Variants in COL6A5 observed in about 807,000 individuals in gnomAD.
COL6A5 encodes the protein collagen alpha-5(VI) chain.
COL6A5 carries 48 observed loss-of-function variants against 65.6 expected under a neutral mutation model. That is an observed-to-expected ratio of 0.73 (90% CI 0.58 to 0.93). The LOEUF (loss-of-function observed/expected upper bound fraction) is 0.93. Among genes scored for constraint, COL6A5 ranks in the 40% least tolerant of loss-of-function variants. The pLI is 0.00. For synonymous variants in COL6A5, 291 were observed against 322.8 expected, an observed-to-expected ratio of 0.90 and a Z score of 1.05; for missense variants, 914 against 928.3, an observed-to-expected ratio of 0.98 and a Z score of 0.20.
At chr3:130,410,372 T>C in intron 19 of COL6A5, 99 bp from the exon 20 acceptor site, 1 of 834,104 alleles carries the variant, frequency 1.2e-6, no homozygotes, top group African/African-American at 1.7e-5. Flanking sequence ...ACATGTTTAT[T>C]CTGCCATTTT....
chr3:130,409,868 C>A, intron 18 of COL6A5, 141 bp from the exon 19 acceptor site: 2 of 573,900 alleles, frequency 3.5e-6, no homozygotes, highest in Non-Finnish European at 6.2e-6. Flanking sequence ...TTTCCAAAAT[C>A]CTGTGAGTTT....
Position 130,392,163 on chromosome 3 carries a change from A to C in COL6A5, c.2992+409A>C, listed in dbSNP as rs529605242. The stretch of plus-strand genomic sequence containing the variant: ...CTCAAACGGAAAGTTTCATGGTTTA[A>C]ATGGATAGACTTTTGCCTTCAAAGA... On this transcript the variant is annotated intron_variant and NMD_transcript_variant, in intron 7 of 41. Transcript: ENST00000312481. Among the ~76,000 whole-genome samples the C allele has an allele frequency of 1.1e-4, 17 of 152,312 alleles. 1 individual carries two copies. The highest frequency in any genetic ancestry group is 4.6e-4 in the Admixed American group (7 of 15,302).
exon 11 of COL6A5, chr3:130,401,130 C>T (rs1227815351): frequency 6.5e-7 from 1 of 1,549,394 alleles, no homozygotes; most frequent in Non-Finnish European, 8.7e-7. Context: ...ACTCATCTGA[C>T]TATTGGAATG....
intron 1 of COL6A5, among the ~76,000 whole-genome samples, chr3:130,371,117 T>C (rs563914299): frequency 6.6e-6 from 1 of 152,226 alleles, no homozygotes; most frequent in Non-Finnish European, 1.5e-5. Context: ...TATCTTTGAA[T>C]TCTTATGATC....
chr3:130,345,798 GCT>G (rs1934441173), exon 1 of COL6A5: 1 of 397,524 alleles, frequency 2.5e-6, no homozygotes, highest in African/African-American at 2.1e-5. Context: ...TCCACCTGCA[GCT>G]GTGCGGCGCG....
chr3:130,455,996 CTT>C (rs879367885), intron 5 of COL6A5, among the ~76,000 whole-genome samples: 1 of 151,712 alleles, frequency 6.6e-6, no homozygotes, highest in Non-Finnish European at 1.5e-5. Context: ...ATTAAAATGA[CTT>C]TTTTTTGGGG....
At chr3:130,400,383 C>G (rs1235100161) in intron 10 of COL6A5, among the ~76,000 whole-genome samples, 3 of 152,158 alleles carry the variant, frequency 2.0e-5, no homozygotes, top group Admixed American at 6.5e-5. Flanking sequence ...TCATTTGTAT[C>G]TCTGCTATTA....
At chr3:130,449,544 T>C (rs1249200751) in intron 4 of COL6A5, among the ~76,000 whole-genome samples, 1 of 152,078 alleles carries the variant, frequency 6.6e-6, no homozygotes, top group South Asian at 2.1e-4. Context: ...ACTAGTCCCA[T>C]GTTAGCGGGA....
chr3:130,426,983 A>T (rs919528410), upstream of COL6A5, among the ~76,000 whole-genome samples: 2 of 152,216 alleles, frequency 1.3e-5, no homozygotes, highest in African/African-American at 4.8e-5. Flanking sequence ...AGAAAGAAAA[A>T]ATATAGGTAA....
exon 28 of COL6A5, chr3:130,422,720 G>A: frequency 6.6e-7 from 1 of 1,525,162 alleles, no homozygotes; most frequent in Non-Finnish European, 8.8e-7. Context: ...GAATCTTCAG[G>A]GTGATATTGG....
exon 6 of COL6A5, chr3:130,388,722 T>C: frequency 6.4e-7 from 1 of 1,551,306 alleles, no homozygotes; most frequent in Non-Finnish European, 8.7e-7. Context: ...CCCAGATTGG[T>C]GTTGTTCAGT....
At chr3:130,395,355 T>A (rs1449757296) in exon 8 of COL6A5, 19 of 1,548,548 alleles carry the variant, frequency 1.2e-5, no homozygotes, top group Non-Finnish European at 1.6e-5. Flanking sequence ...CTCCTGCCAA[T>A]AACAGGCAAT....
chr3:130,468,839 G>A lies in COL6A5; in HGVS notation c.1591G>A (p.Glu531Lys), dbSNP rs1361781806. Reference sequence around the variant, plus strand: ...AAAAGAAGAACCAGATCATACTTATGAACCTGGAGATGTCTCTCTTCAAGA... The same window carrying A: ...AAAAGAAGAACCAGATCATACTTATAAACCTGGAGATGTCTCTCTTCAAGA... The change falls in exon 6 of 8, where the codon GAA (glutamate) becomes AAA (lysine). Residue 531 changes from glutamate (E) to lysine (K), a missense_variant. Physicochemically the swap from Glu to Lys is moderately conservative, Grantham distance 56 (BLOSUM62 1). Coordinates refer to ENST00000512836, the Ensembl canonical transcript of COL6A5. The A allele has an allele frequency of 4.3e-6, 7 of 1,610,908 alleles. No individual in the cohort carries two copies. Among genetic ancestry groups the A allele is most frequent in the Admixed American group, 1.7e-5 (1 of 59,656 alleles).
intron 4 of COL6A5, among the ~76,000 whole-genome samples, chr3:130,450,984 G>A (rs1709417818): frequency 6.6e-6 from 1 of 152,134 alleles, no homozygotes; most frequent in South Asian, 2.1e-4. Flanking sequence ...TGTAAACGCT[G>A]AGATGGGGTT....
rs1353208104 is a variant in COL6A5, at chr3:130,446,840, C to T, written c.1332+3274C>T. Among the ~76,000 whole-genome samples the T allele has an allele frequency of 4.6e-5, 7 of 151,978 alleles. No homozygotes were observed. The East Asian group carries it at 9.7e-4, about 21-fold the overall frequency. On this transcript the variant is annotated intron_variant, in intron 4 of 7. Coordinates refer to ENST00000512836, the Ensembl canonical transcript of COL6A5. The stretch of plus-strand genomic sequence containing the variant: ...TTTTTCCATAACACTGGCTTGTCTT[C>T]GTTTAAGGAGAATTTTTTGCCTGTA...
At chr3:130,370,107 C>T (rs923057295) in intron 1 of COL6A5, among the ~76,000 whole-genome samples, 4 of 152,176 alleles carry the variant, frequency 2.6e-5, no homozygotes, top group Admixed American at 2.0e-4. Context: ...CTCTCTACCT[C>T]AGGTCCTTCC....
At chr3:130,475,361 C>G (rs1270255611) in intron 7 of COL6A5, among the ~76,000 whole-genome samples, 1 of 151,854 alleles carries the variant, frequency 6.6e-6, no homozygotes, top group Non-Finnish European at 1.5e-5. Context: ...AATATTGAAG[C>G]AGCTAAGAAA....
chr3:130,360,413 C>T (rs375769950), intron 1 of COL6A5, among the ~76,000 whole-genome samples: 11 of 152,044 alleles, frequency 7.2e-5, no homozygotes, highest in East Asian at 1.9e-4. Flanking sequence ...AAGCTTAGGC[C>T]GGTTTTGATC....
chr3:130,389,048 A>G, exon 6 of COL6A5: 1 of 1,498,570 alleles, frequency 6.7e-7, no homozygotes, highest in Non-Finnish European at 8.9e-7. Flanking sequence ...ATCAGTGGGG[A>G]TAGCAGCCTA....
Sources: allele counts gnomAD v4.1 joint callset (sites outside exome capture counted in the v4.1 genomes callset), GRCh38; gene constraint gnomAD v4.1.1; transcripts MANE v1.5; gene names NCBI Gene and HGNC (gene_info 2026-07-23, HGNC 2026-07-21).